Variants in THSD7A observed in about 807,000 individuals in gnomAD.
THSD7A encodes thrombospondin type-1 domain-containing protein 7A.
Under a neutral mutation model 231.3 loss-of-function variants are expected in THSD7A, and 96 were observed. The observed-to-expected ratio is 0.41, with a 90% CI of 0.35 to 0.49. THSD7A has a LOEUF of 0.49. Among genes scored for constraint, THSD7A ranks in the 20% least tolerant of loss-of-function variants. The pLI, the probability that THSD7A is intolerant of heterozygous loss-of-function variation, is 0.05. For missense variants in THSD7A, 2,290 were observed against 2,070.2 expected, an observed-to-expected ratio of 1.11 and a Z score of -2.06; for synonymous variants, 940 against 743.3, an observed-to-expected ratio of 1.26 and a Z score of -4.30.
At position 11,467,755 on chromosome 7, in the gene THSD7A, A is replaced by C. The variant is rs10243725; in HGVS notation, c.2368+2124T>G. The stretch of plus-strand genomic sequence containing the variant: ...GGTTTTTTACTCCTAAAAAACCTCT[A>C]TTTTTTCTTTCCTTTCCAGATGTAT... On this transcript the variant is annotated intron_variant, in intron 9 of 27. Coordinates refer to ENST00000423059, the MANE Select transcript of THSD7A (RefSeq NM_015204.3). 2.5e-3 allele frequency among the ~76,000 whole-genome samples: 373 copies of C among 151,810 alleles called. 1 individual carries two copies. Among genetic ancestry groups the C allele is most frequent in the African/African-American group, 8.5e-3 (353 of 41,490 alleles).
chr7:11,598,855 G>A (rs112955843), intron 2 of THSD7A, among the ~76,000 whole-genome samples: 3,470 of 152,174 alleles, frequency 0.023, 131 homozygotes, highest in African/African-American at 0.08. Context: ...CCAGAGACAG[G>A]AATGCTGCCA....
intron 1 of THSD7A, among the ~76,000 whole-genome samples, chr7:11,691,982 A>G (rs1314816853): frequency 1.3e-5 from 2 of 151,626 alleles, no homozygotes; most frequent in Non-Finnish European, 1.5e-5. Context: ...GAGATACAAA[A>G]GGAAATTCTA....
intron 20 of THSD7A, 80 bp downstream of exon 20, chr7:11,407,226 G>T (rs1034619035): frequency 2.8e-6 from 4 of 1,431,884 alleles, no homozygotes; most frequent in South Asian, 2.5e-5. Flanking sequence ...AAGATTATTT[G>T]ATATGGGTTA....
chr7:11,811,126 T>C (rs372584292), intron 1 of THSD7A, among the ~76,000 whole-genome samples: 7 of 152,324 alleles, frequency 4.6e-5, no homozygotes, highest in African/African-American at 1.7e-4. Flanking sequence ...TACAATATTT[T>C]AAAACTTGGT....
intron 15 of THSD7A, 28 bp downstream of exon 15, chr7:11,426,637 CA>C: frequency 6.5e-7 from 1 of 1,538,892 alleles, no homozygotes; most frequent in Non-Finnish European, 8.7e-7. Context: ...AGGATTCTAT[CA>C]AAAAGCATGA....
At chr7:11,520,322 C>T (rs867306678) in intron 6 of THSD7A, 5 of 152,062 alleles carry the variant, frequency 3.3e-5, no homozygotes, top group Admixed American at 6.5e-5. Flanking sequence ...AGGGCTGTTA[C>T]AAAAATTAGG....
At chr7:11,639,364 C>A (rs1235835879) in intron 1 of THSD7A, among the ~76,000 whole-genome samples, 1 of 152,108 alleles carries the variant, frequency 6.6e-6, no homozygotes, top group Non-Finnish European at 1.5e-5. Context: ...AGGTAGGCAG[C>A]ACTATTATTA....
intron 6 of THSD7A, among the ~76,000 whole-genome samples, chr7:11,500,498 C>T (rs2128310114): frequency 6.6e-6 from 1 of 152,018 alleles, no homozygotes; most frequent in South Asian, 2.1e-4. Context: ...GCTAAATAAC[C>T]CCACTTACAA....
At chr7:11,685,408 CA>C (rs1007596788) in intron 1 of THSD7A, among the ~76,000 whole-genome samples, 1 of 151,680 alleles carries the variant, frequency 6.6e-6, no homozygotes, top group African/African-American at 2.4e-5. Flanking sequence ...TTTTGCACAG[CA>C]AAAAAACTGT....
At chr7:11,700,748 C>T (rs1376352791) in intron 1 of THSD7A, among the ~76,000 whole-genome samples, 1 of 151,146 alleles carries the variant, frequency 6.6e-6, no homozygotes, top group Non-Finnish European at 1.5e-5. Context: ...ATTTATTGCT[C>T]TTGCTCTTAT....
chr7:11,777,038 G>T lies in THSD7A; in HGVS notation c.190+54719C>A, dbSNP rs116328654. 5.0e-3 allele frequency among the ~76,000 whole-genome samples: 756 copies of T among 152,214 alleles called. 5 individuals are homozygous for T. Among genetic ancestry groups the T allele is most frequent in the African/African-American group, 0.017 (698 of 41,530 alleles). ...CTCAGTTGTCATAAAAGCATTAAAA[G>T]ATATAATTTATCATTTTCAAGAACA... On this transcript the variant is annotated intron_variant, in intron 1 of 27. Coordinates refer to ENST00000423059, the MANE Select transcript of THSD7A (RefSeq NM_015204.3).
At chr7:11,528,280 A>G (rs1788560749) in intron 6 of THSD7A, among the ~76,000 whole-genome samples, 1 of 152,136 alleles carries the variant, frequency 6.6e-6, no homozygotes, top group Non-Finnish European at 1.5e-5. Context: ...ATATTATCAA[A>G]TTTATATAGT....
chr7:11,543,978 ATCTG>A (rs1401886896), intron 4 of THSD7A, among the ~76,000 whole-genome samples: 3 of 152,134 alleles, frequency 2.0e-5, no homozygotes, highest in African/African-American at 4.8e-5. Context: ...GCTGTATAAT[ATCTG>A]TCTATCTATC....
intron 4 of THSD7A, among the ~76,000 whole-genome samples, chr7:11,585,499 TA>T (rs1015563036): frequency 1.3e-5 from 2 of 152,180 alleles, no homozygotes; most frequent in African/African-American, 4.8e-5. Flanking sequence ...CTAATTGATA[TA>T]AACAAGAGAG....
chr7:11,806,885 T>A (rs114097324), intron 1 of THSD7A, among the ~76,000 whole-genome samples: 1,656 of 152,216 alleles, frequency 0.011, 24 homozygotes, highest in African/African-American at 0.037. Flanking sequence ...GATCTTTAGG[T>A]CTTTCTCTCC....
At chr7:11,437,739 T>A (rs544170529) in intron 13 of THSD7A, among the ~76,000 whole-genome samples, 3 of 152,066 alleles carry the variant, frequency 2.0e-5, no homozygotes, top group African/African-American at 7.2e-5. Flanking sequence ...GTATCCACTA[T>A]GATAAGGAAC....
chr7:11,511,660 C>T (rs1445033428), intron 6 of THSD7A, among the ~76,000 whole-genome samples: 1 of 152,006 alleles, frequency 6.6e-6, no homozygotes, highest in Non-Finnish European at 1.5e-5. Flanking sequence ...CTTTGACAAA[C>T]CTGAGAAAAA....
At chr7:11,694,625 T>G (rs1227780757) in intron 1 of THSD7A, among the ~76,000 whole-genome samples, 1 of 151,552 alleles carries the variant, frequency 6.6e-6, no homozygotes, top group Non-Finnish European at 1.5e-5. Context: ...TTCATTACAC[T>G]GCTCACAAGG....
At chr7:11,760,440 G>T (rs1005040470) in intron 1 of THSD7A, among the ~76,000 whole-genome samples, 2 of 152,060 alleles carry the variant, frequency 1.3e-5, no homozygotes, top group Non-Finnish European at 2.9e-5. Context: ...AAGAATGGCT[G>T]TTCCTCATTA....
Sources: gnomAD v4.1 joint callset for allele counts (sites outside exome capture counted in the v4.1 genomes callset) on GRCh38, gnomAD v4.1.1 for gene constraint, MANE v1.5 for transcripts, NCBI Gene and HGNC (gene_info 2026-07-23, HGNC 2026-07-21) for gene names.